ADAMTS17: variants seen among roughly 807,000 people sequenced by gnomAD.
The protein encoded by ADAMTS17 is A disintegrin and metalloproteinase with thrombospondin motifs 17.
In ADAMTS17, 113 loss-of-function variants were observed where a neutral mutation model predicts 141.5. That is an observed-to-expected ratio of 0.80 (90% CI 0.69 to 0.93). The LOEUF (loss-of-function observed/expected upper bound fraction) is 0.93, where lower values mean the gene tolerates loss of function less well. Among genes scored for constraint, ADAMTS17 ranks in the 40% least tolerant of loss-of-function variants. The pLI is 0.00. For synonymous variants in ADAMTS17, 768 were observed against 630.6 expected (o/e 1.22, Z -3.27); for missense variants, 1,659 against 1,517.9 (o/e 1.09, Z -1.54).
At chr15:100,149,654 G>A (rs1159044591) in intron 10 of ADAMTS17, among the ~76,000 whole-genome samples, 1 of 152,154 alleles carries the variant, frequency 6.6e-6, no homozygotes, top group Admixed American at 6.5e-5. Flanking sequence ...AGCTTCGACT[G>A]TGTGGTCCAA....
intron 3 of ADAMTS17, among the ~76,000 whole-genome samples, chr15:100,325,934 C>T (rs80189179): frequency 0.025 from 3,756 of 152,268 alleles, 76 homozygotes; most frequent in African/African-American, 0.044. Context: ...CCAACCCTGT[C>T]AACGCCTTGA....
intron 18 of ADAMTS17, among the ~76,000 whole-genome samples, chr15:100,041,438 G>C (rs2031244767): frequency 6.6e-6 from 1 of 152,222 alleles, no homozygotes; most frequent in South Asian, 2.1e-4. Context: ...TCCGGGACGT[G>C]TCCACTTCAT....
intron 8 of ADAMTS17, among the ~76,000 whole-genome samples, chr15:100,169,025 C>CGGTA (rs2040059875): frequency 6.6e-6 from 1 of 152,140 alleles, no homozygotes; most frequent in Non-Finnish European, 1.5e-5. Flanking sequence ...GGGGCAGGCA[C>CGGTA]GGTAAAACTG....
At chr15:100,103,536 G>A (rs565002705) in intron 14 of ADAMTS17, among the ~76,000 whole-genome samples, 26 of 152,032 alleles carry the variant, frequency 1.7e-4, no homozygotes, top group Non-Finnish European at 3.2e-4. Flanking sequence ...CAGAACCACT[G>A]AAATCCTAAG....
chr15:100,317,005 C>T (rs2045586085), intron 3 of ADAMTS17, among the ~76,000 whole-genome samples: 1 of 152,196 alleles, frequency 6.6e-6, no homozygotes, highest in Non-Finnish European at 1.5e-5. Flanking sequence ...GGAATAATAA[C>T]AGCAATCATC....
intron 12 of ADAMTS17, chr15:100,129,427 TA>T: frequency 6.6e-6 from 1 of 152,352 alleles, no homozygotes; most frequent in Admixed American, 6.5e-5. Flanking sequence ...AAAAGACAAG[TA>T]CCAGCCGTCG....
chr15:100,060,210 A>G (rs2033007374), intron 15 of ADAMTS17, among the ~76,000 whole-genome samples: 1 of 152,212 alleles, frequency 6.6e-6, no homozygotes, highest in African/African-American at 2.4e-5. Context: ...GAAGTCTTAA[A>G]TCACTACCCA....
chr15:100,092,584 A>G (rs1247067526), intron 15 of ADAMTS17, among the ~76,000 whole-genome samples: 1 of 152,196 alleles, frequency 6.6e-6, no homozygotes, highest in Non-Finnish European at 1.5e-5. Flanking sequence ...ATTTTGTACC[A>G]TAAGCCCCAA....
intron 10 of ADAMTS17, among the ~76,000 whole-genome samples, chr15:100,146,824 C>T (rs1483093609): frequency 1.5e-5 from 1 of 65,060 alleles, no homozygotes; most frequent in Non-Finnish European, 3.9e-5. Context: ...ATGGTCGAGA[C>T]TGCAGAGGTG....
chr15:99,976,689 G>C (rs541090334), intron 20 of ADAMTS17: 19 of 253,444 alleles, frequency 7.5e-5, no homozygotes, highest in Non-Finnish European at 1.4e-4. Flanking sequence ...GAGCTTGCTG[G>C]CTCTCCACCG....
At chr15:100,025,657 G>T (rs1260426619) in intron 18 of ADAMTS17, among the ~76,000 whole-genome samples, 1 of 151,940 alleles carries the variant, frequency 6.6e-6, no homozygotes, top group Non-Finnish European at 1.5e-5. Flanking sequence ...CAGGTGATCT[G>T]CCAGCCTCGG....
At chr15:99,987,389 C>G (rs2060611695) in intron 20 of ADAMTS17, among the ~76,000 whole-genome samples, 1 of 152,216 alleles carries the variant, frequency 6.6e-6, no homozygotes, top group African/African-American at 2.4e-5. Context: ...ACATTAACAA[C>G]CTTCCACAAC....
At chr15:100,167,912 C>A (rs1188456614) in intron 8 of ADAMTS17, among the ~76,000 whole-genome samples, 1 of 152,188 alleles carries the variant, frequency 6.6e-6, no homozygotes, top group African/African-American at 2.4e-5. Context: ...TGTCACAGGG[C>A]CCGAGCTGCT....
chr15:100,167,758 G>A (rs1477640454), intron 8 of ADAMTS17, among the ~76,000 whole-genome samples: 1 of 152,342 alleles, frequency 6.6e-6, no homozygotes, highest in Admixed American at 6.5e-5. Context: ...CAGAGCAAGG[G>A]AGATAATTAT....
chr15:100,147,791 T>C (rs557592301), intron 10 of ADAMTS17, among the ~76,000 whole-genome samples: 2 of 152,378 alleles, frequency 1.3e-5, no homozygotes, highest in South Asian at 4.1e-4. Context: ...ATGGCAAATC[T>C]GTATTAGTTT....
At chr15:100,322,625 T>C (rs913085636) in intron 3 of ADAMTS17, among the ~76,000 whole-genome samples, 5 of 152,172 alleles carry the variant, frequency 3.3e-5, no homozygotes, top group Admixed American at 3.3e-4. Flanking sequence ...ATGACCCAGA[T>C]GTTAGAATAG....
chr15:100,288,334 T>C (rs1488889707), intron 3 of ADAMTS17, among the ~76,000 whole-genome samples: 3 of 152,200 alleles, frequency 2.0e-5, no homozygotes, highest in African/African-American at 7.2e-5. Flanking sequence ...ATTCCAAATA[T>C]ATATGCACCC....
At chr15:100,313,328 C>T (rs899364222) in intron 3 of ADAMTS17, among the ~76,000 whole-genome samples, 1 of 152,170 alleles carries the variant, frequency 6.6e-6, no homozygotes, top group African/African-American at 2.4e-5. Flanking sequence ...TACACCACAA[C>T]CAAATGAGAT....
At chr15:100,262,520 C>T in intron 4 of ADAMTS17, 85 bp from the exon 5 acceptor site, 1 of 966,092 alleles carries the variant, frequency 1.0e-6, no homozygotes, top group East Asian at 2.7e-5. Flanking sequence ...ACTTGGGACA[C>T]AGAAAAGAGA....
Sources: gnomAD v4.1 joint callset for allele counts (sites outside exome capture counted in the v4.1 genomes callset) on GRCh38, gnomAD v4.1.1 for gene constraint, MANE v1.5 for transcripts, NCBI Gene and HGNC (gene_info 2026-07-23, HGNC 2026-07-21) for gene names.